Variants in SCHIP1 observed in about 807,000 individuals in gnomAD.
SCHIP1 encodes schwannomin interacting protein 1, also known as schwannomin-interacting protein 1.
Under a neutral mutation model 29.7 loss-of-function variants are expected in SCHIP1, and 8 were observed. The ratio of observed to expected loss-of-function variants is 0.27; its 90% CI spans 0.16 to 0.49. SCHIP1 has a LOEUF of 0.49. Among genes scored for constraint, SCHIP1 ranks in the 20% least tolerant of loss-of-function variants. The probability of loss-of-function intolerance (pLI) is 0.99; values close to 1 mark genes in which losing one functional copy is unlikely to be tolerated. For missense variants in SCHIP1, 193 were observed against 294.6 expected, an observed-to-expected ratio of 0.66 and a Z score of 2.52; for synonymous variants, 76 against 94.9, an observed-to-expected ratio of 0.80 and a Z score of 1.16.
the SCHIP1 span, among the ~76,000 whole-genome samples, chr3:159,607,893 A>T: frequency 6.6e-6 from 1 of 152,220 alleles, no homozygotes; most frequent in Non-Finnish European, 1.5e-5. Context: ...AGGGAAGGAA[A>T]AAAAGCTGAG....
chr3:159,397,811 A>AAGGC, the SCHIP1 span, among the ~76,000 whole-genome samples: 1 of 152,156 alleles, frequency 6.6e-6, no homozygotes, highest in African/African-American at 2.4e-5. Flanking sequence ...TGAGCCTACA[A>AAGGC]AGGCAGGCAG....
the SCHIP1 span, among the ~76,000 whole-genome samples, chr3:159,453,365 G>A: frequency 3.3e-5 from 5 of 152,178 alleles, no homozygotes; most frequent in Non-Finnish European, 5.9e-5. Flanking sequence ...TCTGTAAACT[G>A]CAAAGCGCTG....
chr3:159,518,747 C>T, the SCHIP1 span, among the ~76,000 whole-genome samples: 1 of 152,216 alleles, frequency 6.6e-6, no homozygotes, highest in African/African-American at 2.4e-5. Context: ...ACTGTATTCT[C>T]ATCTTTAGAC....
chr3:159,344,703 T>G, the SCHIP1 span, among the ~76,000 whole-genome samples: 2 of 152,194 alleles, frequency 1.3e-5, no homozygotes, highest in Admixed American at 1.3e-4. Flanking sequence ...GGTAACTAAA[T>G]GTAAACTGGT....
At chr3:159,870,722 T>C (rs1226945259) in intron 2 of SCHIP1, among the ~76,000 whole-genome samples, 1 of 152,034 alleles carries the variant, frequency 6.6e-6, no homozygotes. Flanking sequence ...TTAGGATTGT[T>C]AGGTTTATAT....
the SCHIP1 span, among the ~76,000 whole-genome samples, chr3:159,568,102 C>T: frequency 6.6e-6 from 1 of 151,980 alleles, no homozygotes; most frequent in African/African-American, 2.4e-5. Context: ...TAGATTGTCA[C>T]TGTTTGTTCC....
the SCHIP1 span, among the ~76,000 whole-genome samples, chr3:159,288,335 C>T: frequency 2.0e-5 from 3 of 152,324 alleles, no homozygotes; most frequent in African/African-American, 7.2e-5. Context: ...CCTCATGCAA[C>T]TGCTTCTAAT....
the SCHIP1 span, among the ~76,000 whole-genome samples, chr3:159,626,246 ATC>A: frequency 1.2e-4 from 13 of 110,150 alleles, no homozygotes; most frequent in South Asian, 2.6e-4. Flanking sequence ...ATATCTATCT[ATC>A]TATATAGATA....
the SCHIP1 span, among the ~76,000 whole-genome samples, chr3:159,500,526 A>G: frequency 4.6e-5 from 7 of 152,118 alleles, no homozygotes; most frequent in Non-Finnish European, 1.0e-4. Context: ...ATCCTGGCCA[A>G]CATGGTGAAA....
the SCHIP1 span, among the ~76,000 whole-genome samples, chr3:159,612,557 G>A: frequency 2.7e-4 from 41 of 152,296 alleles, no homozygotes; most frequent in African/African-American, 9.6e-4. Context: ...GACCAGCATG[G>A]CCAACATGGC....
At chr3:159,463,583 T>C in the SCHIP1 span, among the ~76,000 whole-genome samples, 1 of 152,024 alleles carries the variant, frequency 6.6e-6, no homozygotes, top group Admixed American at 6.6e-5. Flanking sequence ...TCTTAGGCAT[T>C]ATGTTACATA....
chr3:159,356,584 T>A, the SCHIP1 span, among the ~76,000 whole-genome samples: 3 of 152,200 alleles, frequency 2.0e-5, no homozygotes, highest in South Asian at 6.2e-4. Flanking sequence ...CATGAGAACA[T>A]CCTGAGCTTA....
At chr3:159,585,574 ATTT>A in the SCHIP1 span, among the ~76,000 whole-genome samples, 3 of 152,104 alleles carry the variant, frequency 2.0e-5, no homozygotes, top group African/African-American at 7.2e-5. Flanking sequence ...TCAGGTTGTG[ATTT>A]CTGAGTTTTT....
exon 2 of SCHIP1, chr3:159,866,273 T>G: frequency 6.2e-7 from 1 of 1,613,514 alleles, no homozygotes; most frequent in Non-Finnish European, 8.5e-7. Flanking sequence ...AGCCAAGCCT[T>G]TCCTCCCGGT....
chr3:159,513,083 GT>G, the SCHIP1 span, among the ~76,000 whole-genome samples: 1 of 152,160 alleles, frequency 6.6e-6, no homozygotes, highest in Non-Finnish European at 1.5e-5. Context: ...TAAGGTGTTT[GT>G]TTTAAAGTAT....
the SCHIP1 span, among the ~76,000 whole-genome samples, chr3:159,742,093 G>A: frequency 1.3e-5 from 2 of 152,150 alleles, no homozygotes; most frequent in Non-Finnish European, 2.9e-5. Context: ...GGGTGTGGTG[G>A]CGGGCGCCTG....
the SCHIP1 span, among the ~76,000 whole-genome samples, chr3:159,571,630 G>T: frequency 1.3e-5 from 2 of 152,186 alleles, no homozygotes; most frequent in African/African-American, 4.8e-5. Context: ...TCAGGATGAT[G>T]TTGGCCTCAT....
chr3:159,558,885 T>C, the SCHIP1 span, among the ~76,000 whole-genome samples: 1 of 152,218 alleles, frequency 6.6e-6, no homozygotes, highest in Non-Finnish European at 1.5e-5. Context: ...CTTATGACTC[T>C]GTATTATCTA....
chr3:159,346,695 C>T, the SCHIP1 span, among the ~76,000 whole-genome samples: 1 of 152,028 alleles, frequency 6.6e-6, no homozygotes, highest in South Asian at 2.1e-4. Flanking sequence ...CACAGCACCC[C>T]CTTTGGGTGA....
Sources: allele counts gnomAD v4.1 joint callset (sites outside exome capture counted in the v4.1 genomes callset), GRCh38; gene constraint gnomAD v4.1.1; transcripts MANE v1.5; gene names NCBI Gene and HGNC (gene_info 2026-07-23, HGNC 2026-07-21).